NOL11: variants seen among roughly 807,000 people sequenced by gnomAD.
The protein encoded by NOL11 is nucleolar protein 11.
A neutral mutation model predicts 93.0 loss-of-function variants in NOL11; 42 were observed. That is an observed-to-expected ratio of 0.45 (90% CI 0.35 to 0.58). The LOEUF is 0.58. NOL11 is among the 20% of genes least tolerant of loss of function. The pLI is 0.00. For synonymous variants in NOL11, 296 were observed against 293.7 expected (o/e 1.01, Z -0.08); for missense variants, 775 against 841.8 (o/e 0.92, Z 0.98).
chr17:67,739,101 A>T, intron 15 of NOL11, 91 bp downstream of exon 15: 1 of 960,030 alleles, frequency 1.0e-6, no homozygotes, highest in Non-Finnish European at 1.6e-6. Context: ...TCTAAAGGTT[A>T]TGAAATTCTT....
At chr17:67,719,653 T>C in intron 1 of NOL11, 21 bp from the exon 2 acceptor site, 1 of 1,210,108 alleles carries the variant, frequency 8.3e-7, no homozygotes. Context: ...TTGAATATTG[T>C]ATTTATCTTA....
chr17:67,738,177 T>G lies in NOL11; in HGVS notation c.1585T>G (p.Tyr529Asp). 1.2e-6 allele frequency: 2 copies of G among 1,613,280 alleles called. No homozygotes were observed. The highest frequency in any genetic ancestry group is 8.5e-7 in the Non-Finnish European group (1 of 1,179,612). The change falls in exon 14 of 18, where the codon TAT (tyrosine) becomes GAT (aspartate). Residue 529 changes from tyrosine to aspartate, a missense_variant. Transcript: ENST00000253247. ...TDVNMESVFD[Y>D]SINSVHDEKM... ...TGTTAATATGGAGTCAGTTTTTGAC[T>G]ATAGTATAAATTCTGTACATGATGA...
chr17:67,733,350 G>T (rs1029693854), intron 7 of NOL11, among the ~76,000 whole-genome samples: 2 of 152,272 alleles, frequency 1.3e-5, no homozygotes, highest in African/African-American at 4.8e-5. Flanking sequence ...GGGCGACAGA[G>T]TAAGACTCTG....
intron 9 of NOL11, 116 bp downstream of exon 9, chr17:67,736,139 C>A: frequency 1.0e-6 from 1 of 1,003,744 alleles, no homozygotes; most frequent in Non-Finnish European, 1.4e-6. Context: ...TGAAATTTAC[C>A]GCTGTTTATT....
chr17:67,733,374 A>G (rs985578487), intron 7 of NOL11, among the ~76,000 whole-genome samples: 2 of 152,176 alleles, frequency 1.3e-5, no homozygotes, highest in Admixed American at 1.3e-4. Flanking sequence ...CAAAACAAAC[A>G]AACAAAAATT....
At chr17:67,727,657 C>CA (rs1296534362) in intron 7 of NOL11, among the ~76,000 whole-genome samples, 2,207 of 139,600 alleles carry the variant, frequency 0.016, 57 homozygotes, top group African/African-American at 0.052. Context: ...AACTCCGTCT[C>CA]AAAAAAAAAA....
At chr17:67,737,189 T>C in intron 11 of NOL11, 44 bp downstream of exon 11, 1 of 1,169,116 alleles carries the variant, frequency 8.6e-7, no homozygotes, top group South Asian at 1.2e-5. Flanking sequence ...ACTCAAGTGT[T>C]CCAAAGAAAT....
Position 67,719,676 on chromosome 17 carries a change from T to G in NOL11, c.144T>G (p.Val48=). 1 of 1,531,486 alleles carries G rather than the reference T, an allele frequency of 6.5e-7. No homozygotes were observed. The highest frequency in any genetic ancestry group is 1.1e-5 in the South Asian group (1 of 87,054). 94.9% of individuals were successfully genotyped at this position (1,531,486 alleles called of 1,614,324 possible). A position where few individuals can be genotyped will look rare whatever the true frequency, so the allele number is the denominator to read the frequency against. ...DSGRTVILYK[V]SDQKPLGSWS... ...TGTATTTATCTTAATTTCATTAGGT[T>G]TCTGATCAGAAACCCTTGGGGAGCT... is the stretch of plus-strand genomic sequence containing the variant. The change falls in exon 2 of 18, where the codon GTT becomes GTG. Residue 48 remains valine, a splice_region_variant and synonymous_variant. Transcript: ENST00000253247.
chr17:67,740,038 C>T (rs1006909059), intron 16 of NOL11, among the ~76,000 whole-genome samples: 3 of 151,934 alleles, frequency 2.0e-5, no homozygotes, highest in Non-Finnish European at 2.9e-5. Flanking sequence ...GAGTTTGAGA[C>T]CAGCCCAGCC....
intron 5 of NOL11, among the ~76,000 whole-genome samples, chr17:67,723,807 G>A (rs1052936573): frequency 3.3e-5 from 5 of 151,870 alleles, no homozygotes; most frequent in African/African-American, 7.3e-5. Context: ...TTGGGAGGCC[G>A]AGGTGGGAGG....
intron 12 of NOL11, 58 bp downstream of exon 12, chr17:67,737,750 T>C (rs2055216049): frequency 6.3e-7 from 1 of 1,583,224 alleles, no homozygotes; most frequent in Non-Finnish European, 8.6e-7. Context: ...TTGTTTTTTA[T>C]AGTTCTAATC....
chr17:67,724,806 C>T (rs536988468), intron 6 of NOL11, among the ~76,000 whole-genome samples: 2 of 152,276 alleles, frequency 1.3e-5, no homozygotes, highest in African/African-American at 4.8e-5. Flanking sequence ...CGCCTGTAAT[C>T]GCAGCACTTT....
intron 7 of NOL11, among the ~76,000 whole-genome samples, chr17:67,727,438 G>A (rs1404166986): frequency 1.3e-5 from 2 of 152,184 alleles, no homozygotes; most frequent in Non-Finnish European, 2.9e-5. Context: ...TAGGCAGGCA[G>A]ATCACCTGAG....
chr17:67,735,869 T>G (rs764798231), intron 8 of NOL11, 31 bp from the exon 9 acceptor site: 3 of 1,589,106 alleles, frequency 1.9e-6, no homozygotes, highest in Non-Finnish European at 2.6e-6. Flanking sequence ...AGAAAAAAAT[T>G]TGCTTATGTT....
intron 7 of NOL11, 56 bp from the exon 8 acceptor site, chr17:67,734,307 A>G (rs2055181277): frequency 3.0e-6 from 3 of 999,224 alleles, no homozygotes; most frequent in Middle Eastern, 2.1e-4. Context: ...CCCTTCCCCA[A>G]AATATCATAT....
At chr17:67,737,383 C>A in intron 11 of NOL11, 125 bp from the exon 12 acceptor site, 1 of 812,924 alleles carries the variant, frequency 1.2e-6, no homozygotes, top group Non-Finnish European at 1.9e-6. Context: ...GCAGTGTCAG[C>A]TTCAGCTTTG....
intron 8 of NOL11, among the ~76,000 whole-genome samples, chr17:67,735,484 G>T: frequency 1.3e-5 from 2 of 149,618 alleles, no homozygotes; most frequent in Admixed American, 6.6e-5. Context: ...GTTCCCTCAG[G>T]CTTTTTTTTC....
intron 10 of NOL11, 137 bp downstream of exon 10, chr17:67,736,891 C>T (rs1233416168): frequency 1.9e-5 from 14 of 747,818 alleles, no homozygotes; most frequent in African/African-American, 5.3e-5. Flanking sequence ...GGCTTGAACC[C>T]AGTAACCTCA....
intron 8 of NOL11, 84 bp from the exon 9 acceptor site, chr17:67,735,816 T>G: frequency 9.1e-7 from 1 of 1,100,208 alleles, no homozygotes; most frequent in East Asian, 2.5e-5. Flanking sequence ...ACTGAGCACT[T>G]ATACAGTGAG....
Sources: allele counts gnomAD v4.1 joint callset (sites outside exome capture counted in the v4.1 genomes callset), GRCh38; gene constraint gnomAD v4.1.1; transcripts MANE v1.5; gene names NCBI Gene and HGNC (gene_info 2026-07-23, HGNC 2026-07-21).